The following PAQR3 variants were observed in gnomAD, a reference collection of about 807,000 sequenced individuals.
PAQR3 encodes Raf kinase trapping to Golgi.
Under a neutral mutation model 41.7 loss-of-function variants are expected in PAQR3, and 39 were observed. The ratio of observed to expected loss-of-function variants is 0.93; its 90% CI spans 0.72 to 1.22. The LOEUF is 1.22. Among genes scored for constraint, PAQR3 ranks in the 50% most tolerant of loss-of-function variants. PAQR3 has a pLI of 0.00. For synonymous variants in PAQR3, 140 were observed against 140.6 expected (o/e 1.00, Z 0.03); for missense variants, 366 against 385.6 (o/e 0.95, Z 0.42).
rs759888984 is a variant in PAQR3, at chr4:78,918,665, A to G, written c.*1874T>C. ...AATGGCAAGTATGTATTCATATACT[A>G]ATACAGGGACTGCAAAAATTGAAAT... On this transcript the variant is annotated 3_prime_UTR_variant, in exon 6 of 6. Coordinates refer to ENST00000512733, the MANE Select transcript of PAQR3 (RefSeq NM_001040202.2). The G allele has an allele frequency of 9.3e-5, 88 of 950,610 alleles. No homozygotes were observed. Among genetic ancestry groups the G allele is most frequent in the Non-Finnish European group, 1.1e-4 (86 of 798,370 alleles). The allele number at this position is 950,610 out of a possible 1,614,324, so 58.9% of individuals were successfully genotyped here.
At position 78,923,961 on chromosome 4, in the gene PAQR3, CA is replaced by C; in HGVS notation, c.703-15del. ...GGGTGCAAAGTCCTGAAAAGCAGAA[CA>C]TGTTTTTTTACAGATCTTCCTACTG... On this transcript the variant is annotated splice_polypyrimidine_tract_variant and intron_variant, in intron 4 of 5. Coordinates refer to ENST00000512733, the MANE Select transcript of PAQR3 (RefSeq NM_001040202.2). 1 of 1,589,030 alleles carries C rather than the reference CA, an allele frequency of 6.3e-7. No individual in the cohort carries two copies. The highest frequency in any genetic ancestry group is 1.3e-5 in the African/African-American group (1 of 74,444).
intron 1 of PAQR3, among the ~76,000 whole-genome samples, chr4:78,935,642 T>C (rs1251653257): frequency 6.6e-6 from 1 of 152,204 alleles, no homozygotes; most frequent in Non-Finnish European, 1.5e-5. Context: ...TTGCTCAGAT[T>C]AGTCTATAGA....
intron 11 of PAQR3, among the ~76,000 whole-genome samples, chr4:78,905,909 G>T (rs1734259329): frequency 6.6e-6 from 1 of 151,932 alleles, no homozygotes; most frequent in Non-Finnish European, 1.5e-5. Flanking sequence ...AAAGTGCTGT[G>T]CATTGTATAG....
At position 78,920,499 on chromosome 4, in the gene PAQR3, A is replaced by G. The variant is rs949174505; in HGVS notation, c.*40T>C. 3.1e-6 allele frequency: 5 copies of G among 1,588,492 alleles called. No homozygotes were observed. The highest frequency in any genetic ancestry group is 1.8e-5 in the Admixed American group (1 of 56,566). On this transcript the variant is annotated 3_prime_UTR_variant, in exon 6 of 6. Transcript: ENST00000512733. ...TGGGGTATACAATTCCCCATTATAT[A>G]TTGCTTAACAACTGAATTCACCAGG...
intron 5 of PAQR3, chr4:78,922,461 A>G (rs1297757398): frequency 7.9e-7 from 1 of 1,273,344 alleles, no homozygotes; most frequent in Non-Finnish European, 1.0e-6. Context: ...TGCAGTTTAG[A>G]TTTAAACTGC....
chr4:78,938,313 T>C (rs1560588152), intron 1 of PAQR3, among the ~76,000 whole-genome samples: 1 of 152,176 alleles, frequency 6.6e-6, no homozygotes, highest in Non-Finnish European at 1.5e-5. Flanking sequence ...TTTTGTTTTT[T>C]TAAAACACGG....
chr4:78,922,125 C>T (rs781067050), intron 5 of PAQR3: 36 of 1,032,108 alleles, frequency 3.5e-5, no homozygotes, highest in Non-Finnish European at 4.0e-5. Context: ...TAAAGTGATA[C>T]AAAAATATAT....
intron 5 of PAQR3, 79 bp downstream of exon 5, chr4:78,923,778 A>G (rs1486529690): frequency 1.1e-6 from 1 of 907,420 alleles, no homozygotes; most frequent in Non-Finnish European, 1.8e-6. Context: ...AATGAAACTA[A>G]GTTTTGATGC....
chr4:78,889,300 A>T (rs765953626), intron 11 of PAQR3, among the ~76,000 whole-genome samples: 1 of 152,012 alleles, frequency 6.6e-6, no homozygotes, highest in African/African-American at 2.4e-5. Context: ...GTGAACATAA[A>T]TATTGGACTG....
intron 11 of PAQR3, among the ~76,000 whole-genome samples, chr4:78,891,399 G>C (rs2110080615): frequency 1.3e-5 from 2 of 152,136 alleles, no homozygotes; most frequent in South Asian, 4.2e-4. Flanking sequence ...GGACCTAGTG[G>C]GCCTTACTTA....
chr4:78,919,342 A>C lies in PAQR3; in HGVS notation c.*1197T>G. 1 of 983,308 alleles carries C rather than the reference A, an allele frequency of 1.0e-6. No individual in the cohort carries two copies. Among genetic ancestry groups the C allele is most frequent in the South Asian group, 4.7e-5 (1 of 21,240 alleles). 60.9% of individuals were successfully genotyped at this position (983,308 alleles called of 1,614,324 possible). ...TTTTTATGAATGTCTACTTTAAGGG[A>C]TTTAACTAATGCATATGAAAGACCA... On this transcript the variant is annotated 3_prime_UTR_variant, in exon 6 of 6. Coordinates refer to ENST00000512733, the MANE Select transcript of PAQR3 (RefSeq NM_001040202.2).
At chr4:78,899,512 G>T in intron 11 of PAQR3, among the ~76,000 whole-genome samples, 1 of 152,130 alleles carries the variant, frequency 6.6e-6, no homozygotes. Context: ...GTTCATGCCA[G>T]TTAGAAGAGA....
intron 5 of PAQR3, chr4:78,922,314 A>G (rs1016781686): frequency 4.7e-6 from 6 of 1,283,662 alleles, no homozygotes; most frequent in Middle Eastern, 2.1e-4. Flanking sequence ...GGAATGCCTG[A>G]GGATCTGTGG....
downstream of PAQR3, among the ~76,000 whole-genome samples, chr4:78,909,569 T>G (rs1029833353): frequency 6.6e-6 from 1 of 152,146 alleles, no homozygotes; most frequent in Admixed American, 6.5e-5. Flanking sequence ...CAATAGCCTA[T>G]TTTCAGCCCC....
chr4:78,901,020 C>T (rs542574775), intron 11 of PAQR3, among the ~76,000 whole-genome samples: 45 of 152,044 alleles, frequency 3.0e-4, no homozygotes, highest in African/African-American at 1.0e-3. Context: ...ACAGATTAAC[C>T]ATTTGATATT....
intron 1 of PAQR3, 83 bp downstream of exon 1, chr4:78,938,957 G>A (rs2110183729): frequency 2.3e-6 from 3 of 1,329,726 alleles, no homozygotes; most frequent in Middle Eastern, 3.8e-4. Context: ...AAGCAGAAAG[G>A]CGGGGAAAGC....
Position 78,914,776 on chromosome 4 carries a change from C to T in PAQR3, c.*5763G>A, listed in dbSNP as rs1734904529. On this transcript the variant is annotated 3_prime_UTR_variant, in exon 6 of 6. Transcript: ENST00000512733. ...TTTCCCTAATATTATTTGGGTGTCC[C>T]CTGTGCTTCTTTAGGATGTAGTTAT... 1 of 150,552 alleles carries T rather than the reference C, an allele frequency of 6.6e-6. No homozygotes were observed. 9.3% of individuals were successfully genotyped at this position (150,552 alleles called of 1,614,324 possible). A position where few individuals can be genotyped will look rare whatever the true frequency, so the allele number is the denominator to read the frequency against.
In PAQR3 at chr4:78,891,979, A is replaced by G. The variant is rs1250572110; in HGVS notation, c.*837-3831T>C. On this transcript the variant is annotated intron_variant and NMD_transcript_variant, in intron 11 of 12. Coordinates refer to the PAQR3 transcript ENST00000342820. Reference sequence around the variant, plus strand: ...CTTGGAAACAACCTAGTTGACCATGATTTCTTTTATAAAAAATATTGCTGT... The same window carrying G: ...CTTGGAAACAACCTAGTTGACCATGGTTTCTTTTATAAAAAATATTGCTGT... Among the ~76,000 whole-genome samples the G allele has an allele frequency of 2.0e-5, 3 of 152,314 alleles. No individual in the cohort carries two copies. In the East Asian group the frequency reaches 5.8e-4, roughly 29 times the overall value.
chr4:78,923,908 G>C lies in PAQR3; in HGVS notation c.742C>G (p.Leu248Val), dbSNP rs776597812. Residue 248 changes from leucine (L) to valine (V), a missense_variant, in exon 5 of 6, where the codon CTT becomes GTT. Coordinates refer to ENST00000512733, the MANE Select transcript of PAQR3 (RefSeq NM_001040202.2). ...GAAATGTAGAATAGGAAAGCAAGAA[G>C]AGCAATCATATACATCACAATTACA... ...PRVIVMYMIALLAFLFYISKV... is the reference protein window; with the variant it reads ...PRVIVMYMIAVLAFLFYISKV... 2.5e-6 allele frequency: 4 copies of C among 1,613,392 alleles called. No homozygotes were observed. Among genetic ancestry groups the C allele is most frequent in the Non-Finnish European group, 1.7e-6 (2 of 1,179,480 alleles).
Sources: allele counts gnomAD v4.1 joint callset (sites outside exome capture counted in the v4.1 genomes callset), GRCh38; gene constraint gnomAD v4.1.1; transcripts MANE v1.5; gene names NCBI Gene and HGNC (gene_info 2026-07-23, HGNC 2026-07-21).